CPEB4: variants seen among roughly 807,000 people sequenced by gnomAD.
The protein encoded by CPEB4 is cytoplasmic polyadenylation element-binding protein 4.
Under a neutral mutation model 72.5 loss-of-function variants are expected in CPEB4, and 12 were observed. The observed-to-expected ratio is 0.17, with a 90% CI of 0.11 to 0.27. The LOEUF is 0.27. Ranked by LOEUF, CPEB4 falls within the 10% of genes least tolerant of loss-of-function variation. CPEB4 has a pLI of 1.00. For synonymous variants in CPEB4, 302 were observed against 326.3 expected, an observed-to-expected ratio of 0.93 and a Z score of 0.80; for missense variants, 614 against 908.5, an observed-to-expected ratio of 0.68 and a Z score of 4.17.
At chr5:173,903,842 T>A (rs1238389986) in intron 1 of CPEB4, among the ~76,000 whole-genome samples, 2 of 151,504 alleles carry the variant, frequency 1.3e-5, no homozygotes, top group African/African-American at 4.8e-5. Context: ...AGGTGTATAC[T>A]AAAAACAAGG....
chr5:173,944,202 A>G (rs1217179720), intron 4 of CPEB4, among the ~76,000 whole-genome samples: 2 of 152,214 alleles, frequency 1.3e-5, no homozygotes, highest in Admixed American at 6.5e-5. Context: ...AGCATGCCTA[A>G]TAATCTTAAA....
intron 9 of CPEB4, chr5:173,953,563 A>ATTCAATAAATATTTACTGAATCC (rs1308521520): frequency 2.7e-6 from 1 of 373,050 alleles, no homozygotes; most frequent in Admixed American, 4.4e-5. Context: ...TTTGTAAGTC[A>ATTCAATAAATATTTACTGAATCC]TTCAATAAAT....
In CPEB4 at chr5:173,956,131, G is replaced by T. The variant is rs1454780617; in HGVS notation, c.2184G>T (p.Trp728Cys). 2 of 1,613,654 alleles carry T rather than the reference G, an allele frequency of 1.2e-6. No homozygotes were observed. The highest frequency in any genetic ancestry group is 1.7e-6 in the Non-Finnish European group (2 of 1,179,636). ...GDRPRHISFR[W>C]N ...GCCCTCGGCATATTTCATTCCGCTGGAACTAAAGGATAACTGCAGTGCTCA... is the reference window on the plus strand; with the variant it reads ...GCCCTCGGCATATTTCATTCCGCTGTAACTAAAGGATAACTGCAGTGCTCA... Residue 728 changes from tryptophan to cysteine, a missense_variant, in exon 10 of 10, where the codon TGG (tryptophan) becomes TGT (cysteine). Around this residue, in one of 5 missense-constraint regions of CPEB4, gnomAD observed 101 missense variants for 243.1 expected, o/e 0.42. Coordinates refer to ENST00000265085, the MANE Select transcript of CPEB4 (RefSeq NM_030627.4).
Position 173,955,561 on chromosome 5 carries a change from C to T in CPEB4, c.1963-349C>T, listed in dbSNP as rs943928357. On this transcript the variant is annotated intron_variant, in intron 9 of 9. Transcript: ENST00000265085. The surrounding 1 kb of genome is among the most constrained non-coding windows in gnomAD (Gnocchi z 4.7). The stretch of plus-strand genomic sequence containing the variant: ...TATGATTCCACATATGACAAAAATC[C>T]AGATCCACTAATTAAAATGAGGGTT... Among the ~76,000 whole-genome samples, 1 of 152,110 alleles carries T rather than the reference C, an allele frequency of 6.6e-6. No homozygotes were observed. The highest frequency in any genetic ancestry group is 2.4e-5 in the African/African-American group (1 of 41,422).
intron 1 of CPEB4, among the ~76,000 whole-genome samples, chr5:173,897,200 A>G (rs1350659800): frequency 6.6e-6 from 1 of 152,218 alleles, no homozygotes; most frequent in Non-Finnish European, 1.5e-5. Flanking sequence ...AATTAAATAT[A>G]AGCTTAAACT....
intron 1 of CPEB4, among the ~76,000 whole-genome samples, chr5:173,893,568 CAG>C (rs1491589175): frequency 6.8e-6 from 1 of 148,126 alleles, no homozygotes; most frequent in Non-Finnish European, 1.5e-5. Context: ...ATATTTCTCA[CAG>C]GGGAAAAAAA....
rs951920040 is a variant in CPEB4, at chr5:173,950,735, G to A, written c.1665+657G>A. On this transcript the variant is annotated intron_variant, in intron 7 of 9. Transcript: ENST00000265085. The surrounding 1 kb of genome is among the most constrained non-coding windows in gnomAD (Gnocchi z 5.0). Reference sequence around the variant, plus strand: ...AATACTATGTGTACGTCTTTCTAGCGTTTTCCTCACTTTAATGAAGATTTT... The same window carrying A: ...AATACTATGTGTACGTCTTTCTAGCATTTTCCTCACTTTAATGAAGATTTT... Among the ~76,000 whole-genome samples the A allele has an allele frequency of 1.3e-5, 2 of 152,174 alleles. No individual in the cohort carries two copies. Among genetic ancestry groups the A allele is most frequent in the South Asian group, 2.1e-4 (1 of 4,820 alleles).
chr5:173,899,444 T>A (rs937595469), intron 1 of CPEB4, among the ~76,000 whole-genome samples: 8 of 152,214 alleles, frequency 5.3e-5, no homozygotes, highest in Non-Finnish European at 8.8e-5. Flanking sequence ...ACATTTCTGT[T>A]GTACCTGCTC....
rs1370642281 is a variant in CPEB4, at chr5:173,950,135, A to G, written c.1665+57A>G. The G allele has an allele frequency of 1.9e-6, 2 of 1,061,426 alleles. No homozygotes were observed. The highest frequency in any genetic ancestry group is 3.2e-5 in the African/African-American group (2 of 62,102). The allele number at this position is 1,061,426 out of a possible 1,614,324, so 65.8% of individuals were successfully genotyped here. ...GTTTTTGCCTCCATTCATCTGTTATATTTGAAAAACCCATAGACAACTTGA... is the reference window on the plus strand; with the variant it reads ...GTTTTTGCCTCCATTCATCTGTTATGTTTGAAAAACCCATAGACAACTTGA... On this transcript the variant is annotated intron_variant, in intron 7 of 9. Coordinates refer to ENST00000265085, the MANE Select transcript of CPEB4 (RefSeq NM_030627.4). This position sits in a 1 kb window ranked among gnomAD's most constrained non-coding sequence, Gnocchi z 5.0.
At chr5:173,954,270 A>T (rs186182002) in intron 9 of CPEB4, among the ~76,000 whole-genome samples, 1,674 of 152,310 alleles carry the variant, frequency 0.011, 11 homozygotes, top group Admixed American at 0.015. Flanking sequence ...CAGTAAAAAA[A>T]TTTAAGATAG....
chr5:173,928,856 C>T (rs1025903049), intron 2 of CPEB4, among the ~76,000 whole-genome samples: 8 of 152,074 alleles, frequency 5.3e-5, no homozygotes, highest in African/African-American at 1.2e-4. Context: ...AGAGAATTTA[C>T]GGAAGAGTAG....
chr5:173,912,556 C>T (rs1581125615), intron 2 of CPEB4, among the ~76,000 whole-genome samples: 1 of 151,628 alleles, frequency 6.6e-6, no homozygotes, highest in African/African-American at 2.4e-5. Flanking sequence ...CATGGCAAGA[C>T]CCTGTCTCTA....
intron 2 of CPEB4, among the ~76,000 whole-genome samples, chr5:173,914,793 G>C (rs1561614188): frequency 6.6e-6 from 1 of 152,006 alleles, no homozygotes; most frequent in Non-Finnish European, 1.5e-5. Flanking sequence ...TGTTAATTCT[G>C]AGATTAGTAG....
rs34259285 is a variant in CPEB4 at position 173,959,150 on chromosome 5, AG to A, written c.*3016del. 0.22 allele frequency: 33,999 copies of A among 152,778 alleles called. 5,004 individuals are homozygous for A. Among genetic ancestry groups the A allele is most frequent in the Non-Finnish European group, 0.3 (20,727 of 67,962 alleles). The allele number at this position is 152,778 out of a possible 1,614,324, so 9.5% of individuals were successfully genotyped here. ...AACATGTAATTAGTTTACAGATTGT[AG>A]GGCATCACTTCAATTCACCAAGCAT... On this transcript the variant is annotated 3_prime_UTR_variant, in exon 10 of 10. Transcript: ENST00000265085.
At chr5:173,931,488 A>G (rs1182636819) in intron 2 of CPEB4, among the ~76,000 whole-genome samples, 1 of 152,244 alleles carries the variant, frequency 6.6e-6, no homozygotes, top group Non-Finnish European at 1.5e-5. Flanking sequence ...ACTAACAACC[A>G]GGTCCCCCTA....
intron 3 of CPEB4, among the ~76,000 whole-genome samples, chr5:173,941,539 C>T (rs1158259694): frequency 6.6e-6 from 1 of 152,110 alleles, no homozygotes; most frequent in East Asian, 1.9e-4. Flanking sequence ...GAATAAAAAC[C>T]TTGACCAGTT....
chr5:173,913,483 C>A (rs1251869420), intron 2 of CPEB4, among the ~76,000 whole-genome samples: 1 of 152,214 alleles, frequency 6.6e-6, no homozygotes, highest in African/African-American at 2.4e-5. Context: ...CAGGCGTGAG[C>A]CACTGCACCT....
chr5:173,915,049 A>G (rs1016739158), intron 2 of CPEB4, among the ~76,000 whole-genome samples: 3 of 152,130 alleles, frequency 2.0e-5, no homozygotes, highest in Admixed American at 6.5e-5. Context: ...ATTAACTTAA[A>G]TTTTCAAAAG....
At position 173,953,125 on chromosome 5, in the gene CPEB4, A is replaced by T. The variant is rs1415532463; in HGVS notation, c.1815A>T (p.Gly605=). 6.2e-7 allele frequency: 1 copy of T among 1,612,868 alleles called. No homozygotes were observed. Among genetic ancestry groups the T allele is most frequent in the East Asian group, 2.2e-5 (1 of 44,866 alleles). Residue 605 remains glycine (G), a synonymous_variant, in exon 9 of 10, where the codon GGA becomes GGT. Transcript: ENST00000265085. ...CGATGATAATGGATCGGCTATATGG[A>T]GGTGTGTGCTACGCTGGGATTGATA... ...ELAMIMDRLY[G]GVCYAGIDTD...
Sources: allele counts gnomAD v4.1 joint callset (sites outside exome capture counted in the v4.1 genomes callset), GRCh38; gene constraint gnomAD v4.1.1; regional missense constraint gnomAD v4.1.1; non-coding constraint Gnocchi (gnomAD v3.1); transcripts MANE v1.5; gene names NCBI Gene and HGNC (gene_info 2026-07-23, HGNC 2026-07-21).